MAGOHB: variants seen among roughly 807,000 people sequenced by gnomAD.
MAGOHB encodes protein mago nashi homolog 2.
A neutral mutation model predicts 20.9 loss-of-function variants in MAGOHB; 15 were observed. The ratio of observed to expected loss-of-function variants is 0.72; its 90% CI spans 0.48 to 1.11. MAGOHB has a LOEUF of 1.11. MAGOHB is among the 50% of genes least tolerant of loss of function. The probability of loss-of-function intolerance (pLI) is 0.00; values close to 1 mark genes in which losing one functional copy is unlikely to be tolerated. For missense variants in MAGOHB, 162 were observed against 177.6 expected (o/e 0.91, Z 0.50); for synonymous variants, 50 against 57.9 (o/e 0.86, Z 0.62).
chr12:10,612,753 T>C, intron 1 of MAGOHB: 1 of 1,208,034 alleles, frequency 8.3e-7, no homozygotes, highest in Non-Finnish European at 1.1e-6. Flanking sequence ...CAATGTAACA[T>C]TCTCTAAGGA....
intron 3 of MAGOHB, chr12:10,608,997 T>A (rs1295406026): frequency 6.5e-6 from 1 of 154,124 alleles, no homozygotes; most frequent in Non-Finnish European, 1.4e-5. Context: ...TGCTGTGGTT[T>A]GCTTTTTAGT....
At chr12:10,610,252 G>C (rs1225449191) in intron 2 of MAGOHB, among the ~76,000 whole-genome samples, 1 of 152,042 alleles carries the variant, frequency 6.6e-6, no homozygotes, top group East Asian at 1.9e-4. Flanking sequence ...AGATCTATAA[G>C]GTGAACTGTA....
Position 10,613,540 on chromosome 12 carries a change from C to T in MAGOHB, c.-8G>A. 6.2e-7 allele frequency: 1 copy of T among 1,603,226 alleles called. No homozygotes were observed. Among genetic ancestry groups the T allele is most frequent in the African/African-American group, 1.3e-5 (1 of 74,782 alleles). On this transcript the variant is annotated 5_prime_UTR_variant, in exon 1 of 5. Coordinates refer to ENST00000320756, the MANE Select transcript of MAGOHB (RefSeq NM_018048.5). ...ATCGCTAGCCACAGCCATTTTTGTA[C>T]CCGGGAAGCCCGCCGAAAACGCAGC...
At chr12:10,602,505 T>C (rs932263709), downstream of MAGOHB, among the ~76,000 whole-genome samples, 4 of 152,274 alleles carry the variant, frequency 2.6e-5, no homozygotes, top group South Asian at 2.1e-4. Flanking sequence ...TCAAATGAGA[T>C]TGAAACTCCC....
rs1052871 is a variant in MAGOHB, at chr12:10,606,104, A to G, written c.*171T>C. 0.81 allele frequency: 379,819 copies of G among 469,420 alleles called. 154,483 individuals carry two copies. The highest frequency in any genetic ancestry group is 0.99 in the East Asian group (26,355 of 26,508). The allele number at this position is 469,420 out of a possible 1,614,324, so 29.1% of individuals were successfully genotyped here. A position where few individuals can be genotyped will look rare whatever the true frequency, so the allele number is the denominator to read the frequency against. ...TGTGTGTGGGGACTGTCCAACCCAT[A>G]TGGACTCAAGTAAGGATAACCATTA... On this transcript the variant is annotated 3_prime_UTR_variant, in exon 5 of 5. Coordinates refer to ENST00000320756, the MANE Select transcript of MAGOHB (RefSeq NM_018048.5).
intron 1 of MAGOHB, among the ~76,000 whole-genome samples, chr12:10,612,200 CAT>C (rs1458637674): frequency 1.2e-5 from 1 of 86,670 alleles, no homozygotes; most frequent in Non-Finnish European, 2.9e-5. Flanking sequence ...AATAACATAA[CAT>C]AACATAACAT....
chr12:10,610,589 A>T lies in MAGOHB; in HGVS notation c.153+33T>A, dbSNP rs773195864. On this transcript the variant is annotated intron_variant, in intron 2 of 4. Transcript: ENST00000320756. ...AATGGGCTAAATGCAAAAAAAAAAA[A>T]AAAAAAAAAAAAGACATTCACATAG... The T allele has an allele frequency of 4.2e-5, 57 of 1,343,040 alleles. 1 individual carries two copies. The highest frequency in any genetic ancestry group is 5.5e-5 in the Non-Finnish European group (56 of 1,022,848). The allele number at this position is 1,343,040 out of a possible 1,614,324, so 83.2% of individuals were successfully genotyped here. A position where few individuals can be genotyped will look rare whatever the true frequency, so the allele number is the denominator to read the frequency against.
At chr12:10,607,960 T>C in intron 3 of MAGOHB, 24 bp from the exon 4 acceptor site, 3 of 1,372,232 alleles carry the variant, frequency 2.2e-6, no homozygotes, top group Non-Finnish European at 3.1e-6. Flanking sequence ...CAGAAAAATG[T>C]AGTTAATATA....
At position 10,607,987 on chromosome 12, in the gene MAGOHB, G is replaced by GT. The variant is rs1343399548; in HGVS notation, c.265-52dup. The GT allele has an allele frequency of 3.5e-6, 4 of 1,129,670 alleles. No homozygotes were observed. In the African/African-American group the frequency reaches 6.3e-5, roughly 18 times the overall value. 70.0% of individuals were successfully genotyped at this position (1,129,670 alleles called of 1,614,324 possible). On this transcript the variant is annotated intron_variant, in intron 3 of 4. Coordinates refer to ENST00000320756, the MANE Select transcript of MAGOHB (RefSeq NM_018048.5). ...GTTAATATAAAAATCTATCCCAGAG[G>GT]TATCTGTATTCTTGCTACAAGCAGA...
rs778697766 is a variant in MAGOHB, at chr12:10,610,662, T to C, written c.113A>G (p.Asn38Ser). The C allele has an allele frequency of 1.9e-6, 3 of 1,587,234 alleles. No homozygotes were observed. The highest frequency in any genetic ancestry group is 2.6e-6 in the Non-Finnish European group (3 of 1,171,200). Residue 38 changes from asparagine (N) to serine (S), a missense_variant, in exon 2 of 5, where the codon AAC (asparagine) becomes AGC (serine). Transcript: ENST00000320756. Reference protein sequence around the residue: ...FRPDGKLRYANNSNYKNDVMI... With the variant: ...FRPDGKLRYASNSNYKNDVMI... ...GACATCATTTTTGTAATTGCTGTTG[T>C]TGGCATATCTAAGCTTTCCTGTGGG...
At position 10,610,728 on chromosome 12, in the gene MAGOHB, A is replaced by C. The variant is rs571745322; in HGVS notation, c.95-48T>G. On this transcript the variant is annotated intron_variant, in intron 1 of 4. Transcript: ENST00000320756. ...AATTTATAATAGCAAAAACTGCTAA[A>C]AAAATTAACATCATATACAATTTTG... 2.9e-5 allele frequency: 44 copies of C among 1,515,186 alleles called. No homozygotes were observed. In the East Asian group the frequency reaches 1.0e-3, roughly 35 times the overall value. The allele number at this position is 1,515,186 out of a possible 1,614,324, so 93.9% of individuals were successfully genotyped here.
At chr12:10,600,841 G>C (rs1218899805), downstream of MAGOHB, among the ~76,000 whole-genome samples, 1 of 152,138 alleles carries the variant, frequency 6.6e-6, no homozygotes, top group Admixed American at 6.5e-5. Flanking sequence ...GGTTAATAAG[G>C]AGTGTGGGAT....
rs577157173 is a variant in MAGOHB, at chr12:10,607,632, C to T, written c.347+222G>A. Among the ~76,000 whole-genome samples the T allele has an allele frequency of 2.6e-5, 4 of 152,274 alleles. No individual in the cohort carries two copies. The East Asian group carries it at 7.7e-4, about 29-fold the overall frequency. ...AATACAACTTGGGCATTATTATATA[C>T]AGCTGTTGGATTAAAAGTTTTTGGA... On this transcript the variant is annotated intron_variant, in intron 4 of 4. Coordinates refer to ENST00000320756, the MANE Select transcript of MAGOHB (RefSeq NM_018048.5).
downstream of MAGOHB, among the ~76,000 whole-genome samples, chr12:10,603,223 G>C (rs891001554): frequency 6.6e-6 from 1 of 150,952 alleles, no homozygotes; most frequent in Non-Finnish European, 1.5e-5. Context: ...CTGAGGCAGG[G>C]AAATGGCATG....
At position 10,611,577 on chromosome 12, in the gene MAGOHB, T is replaced by C. The variant is rs574507869; in HGVS notation, c.95-897A>G. Among the ~76,000 whole-genome samples, 17 of 150,628 alleles carry C rather than the reference T, an allele frequency of 1.1e-4. No individual in the cohort carries two copies. In the East Asian group the frequency reaches 3.1e-3, roughly 28 times the overall value. ...GCCTGGCCAACATGGAGAAACCCCG[T>C]CTCTACTAAAAATACGAAAAAATAG... On this transcript the variant is annotated intron_variant, in intron 1 of 4. Coordinates refer to ENST00000320756, the MANE Select transcript of MAGOHB (RefSeq NM_018048.5).
At position 10,611,747 on chromosome 12, in the gene MAGOHB, C is replaced by CAAAAAAA. The variant is rs1042294332; in HGVS notation, c.95-1074_95-1068dup. On this transcript the variant is annotated intron_variant, in intron 1 of 4. Transcript: ENST00000320756. ...TGGACGACAGAGCAAGACTCTGTCT[C>CAAAAAAA]AAAAAAAAAAAAAAAAAAAAAAAAA... Among the ~76,000 whole-genome samples, 78 of 27,648 alleles carry CAAAAAAA rather than the reference C, an allele frequency of 2.8e-3. 1 individual carries two copies. Among genetic ancestry groups the CAAAAAAA allele is most frequent in the African/African-American group, 7.8e-3 (73 of 9,320 alleles). 18.1% of individuals were successfully genotyped at this position (27,648 alleles called of 152,430 possible).
intron 1 of MAGOHB, among the ~76,000 whole-genome samples, chr12:10,612,118 C>T (rs1310375105): frequency 6.6e-6 from 1 of 151,968 alleles, no homozygotes; most frequent in Non-Finnish European, 1.5e-5. Flanking sequence ...GGGTGGCTGA[C>T]GCTGGTGGAT....
intron 4 of MAGOHB, among the ~76,000 whole-genome samples, chr12:10,607,435 G>C (rs1361605844): frequency 6.6e-6 from 1 of 152,152 alleles, no homozygotes; most frequent in Admixed American, 6.5e-5. Context: ...GGAAGACATC[G>C]ATAGCTAAAG....
At chr12:10,610,047 A>G (rs1260495009) in intron 2 of MAGOHB, 106 bp from the exon 3 acceptor site, 8 of 596,684 alleles carry the variant, frequency 1.3e-5, no homozygotes, top group Non-Finnish European at 2.3e-5. Context: ...GGAATATAGA[A>G]AAATTTAATT....
Sources: allele counts gnomAD v4.1 joint callset (sites outside exome capture counted in the v4.1 genomes callset), GRCh38; gene constraint gnomAD v4.1.1; transcripts MANE v1.5; gene names NCBI Gene and HGNC (gene_info 2026-07-23, HGNC 2026-07-21).